The following MBD1 variants were observed in gnomAD, a reference collection of about 807,000 sequenced individuals.
MBD1 encodes methyl-CpG-binding domain protein 1.
MBD1 carries 25 observed loss-of-function variants against 82.6 expected under a neutral mutation model. The ratio of observed to expected loss-of-function variants is 0.30; its 90% CI spans 0.22 to 0.42. The LOEUF is 0.42. Among genes scored for constraint, MBD1 ranks in the 10% least tolerant of loss-of-function variants. The pLI, the probability that MBD1 is intolerant of heterozygous loss-of-function variation, is 1.00. For missense variants in MBD1, 627 were observed against 819.6 expected, an observed-to-expected ratio of 0.76 and a Z score of 2.87; for synonymous variants, 301 against 303.7, an observed-to-expected ratio of 0.99 and a Z score of 0.09.
chr18:50,279,032 A>T (rs936037949), intron 2 of MBD1, among the ~76,000 whole-genome samples: 1 of 152,240 alleles, frequency 6.6e-6, no homozygotes, highest in Non-Finnish European at 1.5e-5. Flanking sequence ...AGGTATTTTT[A>T]AAATTCTTCG....
chr18:50,275,284 A>T (rs2147411302), intron 8 of MBD1, 39 bp from the exon 9 acceptor site: 1 of 1,611,608 alleles, frequency 6.2e-7, no homozygotes, highest in African/African-American at 1.3e-5. Context: ...GCTTGGTGGC[A>T]CCAGGCAGAC....
intron 8 of MBD1, 152 bp downstream of exon 8, chr18:50,275,448 G>A: frequency 6.2e-7 from 1 of 1,600,178 alleles, no homozygotes. Flanking sequence ...CAAGGTGCTG[G>A]CAGACAGAGG....
intron 2 of MBD1, among the ~76,000 whole-genome samples, chr18:50,277,855 T>TAA (rs200911568): frequency 6.6e-6 from 1 of 151,614 alleles, no homozygotes; most frequent in Admixed American, 6.6e-5. Flanking sequence ...TTAATATTAT[T>TAA]TAAAAAAAAC....
chr18:50,270,040 G>C (rs374142220), intron 16 of MBD1: 98 of 1,597,674 alleles, frequency 6.1e-5, no homozygotes, highest in Non-Finnish European at 8.0e-5. Flanking sequence ...ATTTCATATA[G>C]ATCATTGTCA....
rs375926982 is a variant in MBD1, at chr18:50,272,658, C to G, written c.1778+19G>C. ...GCCAACACCCACTCCTTCCCCACCC[C>G]TCACTGTGTGGGGCACACCTTGGCA... On this transcript the variant is annotated intron_variant, in intron 15 of 16. Transcript: ENST00000269468. The G allele has an allele frequency of 6.2e-7, 1 of 1,613,756 alleles. No individual in the cohort carries two copies. The highest frequency in any genetic ancestry group is 1.1e-5 in the South Asian group (1 of 91,076).
rs2035474139 is a variant in MBD1, at chr18:50,271,428, G to C, written c.*32+41C>G. 6 of 1,613,788 alleles carry C rather than the reference G, an allele frequency of 3.7e-6. No individual in the cohort carries two copies. In the South Asian group the frequency reaches 5.5e-5, roughly 15 times the overall value. On this transcript the variant is annotated intron_variant, in intron 16 of 16. Transcript: ENST00000269468. ...CCAATCTAGGGTCCAGCCCCTAGTAGATCAGTGTTGTCTCTCATAAAGCCA... is the reference window on the plus strand; with the variant it reads ...CCAATCTAGGGTCCAGCCCCTAGTACATCAGTGTTGTCTCTCATAAAGCCA...
intron 16 of MBD1, chr18:50,270,518 A>G: frequency 2.9e-6 from 1 of 348,068 alleles, no homozygotes; most frequent in Non-Finnish European, 5.7e-6. Context: ...GCACGTTGTC[A>G]GGAAAGATGA....
In MBD1 at chr18:50,274,348, G is replaced by A; in HGVS notation, c.984C>T (p.Pro328=). 6.2e-7 allele frequency: 1 copy of A among 1,612,240 alleles called. No homozygotes were observed. The highest frequency in any genetic ancestry group is 8.5e-7 in the Non-Finnish European group (1 of 1,179,496). Residue 328 remains proline, a synonymous_variant, in exon 11 of 17, where the codon CCC becomes CCT. Transcript: ENST00000269468. ...TGCGGTTCTGCCGGCGGTTCGTGTAGGGCTGCTGGGGTGGGGGGAATGGGT... is the reference window on the plus strand; with the variant it reads ...TGCGGTTCTGCCGGCGGTTCGTGTAAGGCTGCTGGGGTGGGGGGAATGGGT... ...YYCVDEDELQ[P]YTNRRQNRKC... is the part of the protein sequence containing the mutation.
rs2037248390 is a variant in MBD1, at chr18:50,275,122, G to T, written c.909+7C>A. On this transcript the variant is annotated splice_region_variant and intron_variant, in intron 9 of 16. Coordinates refer to ENST00000269468, the MANE Select transcript of MBD1 (RefSeq NM_015846.4). ...TTGTGCCTTCCCTCCACCCACTGGG[G>T]CCTCACCGGCTCTGTGGGCTCTGGG... is the stretch of plus-strand genomic sequence containing the variant. 1 of 1,613,484 alleles carries T rather than the reference G, an allele frequency of 6.2e-7. No homozygotes were observed. Among genetic ancestry groups the T allele is most frequent in the African/African-American group, 1.3e-5 (1 of 74,926 alleles).
chr18:50,281,525 GA>G, upstream of MBD1: 1 of 576,588 alleles, frequency 1.7e-6, no homozygotes, highest in Non-Finnish European at 3.1e-6. Flanking sequence ...GTTGCTCCCG[GA>G]ACCGGAAGTC....
rs910911168 is a variant in MBD1, at chr18:50,269,383, G to A, written c.*468C>T. 1.6e-6 allele frequency: 2 copies of A among 1,217,602 alleles called. No individual in the cohort carries two copies. The highest frequency in any genetic ancestry group is 2.2e-6 in the Non-Finnish European group (2 of 911,956). The allele number at this position is 1,217,602 out of a possible 1,614,324, so 75.4% of individuals were successfully genotyped here. On this transcript the variant is annotated 3_prime_UTR_variant, in exon 17 of 17. Transcript: ENST00000269468. ...GTTTCCCGGAACTCTCTTCCAGTAAGATGGGCCACAAGAGACATTTTGCTT... is the reference window on the plus strand; with the variant it reads ...GTTTCCCGGAACTCTCTTCCAGTAAAATGGGCCACAAGAGACATTTTGCTT...
chr18:50,273,631 C>T lies in MBD1; in HGVS notation c.1379G>A (p.Arg460Gln), dbSNP rs756399728. ...PPPGTDLVFLREGASSPVQVP... is the reference protein window; with the variant it reads ...PPPGTDLVFLQEGASSPVQVP... The stretch of plus-strand genomic sequence containing the variant: ...CTGCACAGGACTGCTTGCGCCTTCC[C>T]GTAAAAACACAAGGTCAGTGCCAGG... The change falls in exon 12 of 17, where the codon CGG becomes CAG. Residue 460 changes from arginine to glutamine, a missense_variant. Around this residue, in one of 6 missense-constraint regions of MBD1, gnomAD observed 265 missense variants for 278.4 expected, o/e 0.95. Transcript: ENST00000269468. The T allele has an allele frequency of 2.5e-6, 4 of 1,613,708 alleles. No homozygotes were observed. The highest frequency in any genetic ancestry group is 1.1e-5 in the South Asian group (1 of 91,090).
chr18:50,276,020 C>A, intron 6 of MBD1, 39 bp from the exon 7 acceptor site: 1 of 1,598,398 alleles, frequency 6.3e-7, no homozygotes. Context: ...GGGCCTGCTC[C>A]AGAAGCACTG....
At position 50,271,373 on chromosome 18, in the gene MBD1, T is replaced by C. The variant is rs944998571; in HGVS notation, c.*32+96A>G. The C allele has an allele frequency of 4.4e-6, 7 of 1,605,820 alleles. No homozygotes were observed. The African/African-American group carries it at 8.0e-5, about 18-fold the overall frequency. ...TGGTTTGGTAGTAGGTTTTTCCTCC[T>C]AGGGTTGATTCACACACAAGCCCTG... On this transcript the variant is annotated intron_variant, in intron 16 of 16. Coordinates refer to ENST00000269468, the MANE Select transcript of MBD1 (RefSeq NM_015846.4).
chr18:50,271,280 T>C (rs2035404048), intron 16 of MBD1, 189 bp downstream of exon 16: 1 of 1,458,908 alleles, frequency 6.9e-7, no homozygotes, highest in Admixed American at 2.7e-5. Flanking sequence ...GCACCAACTT[T>C]CTACTCTTTC....
rs1481335388 is a variant in MBD1, at chr18:50,276,273, T to G, written c.516+105A>C. On this transcript the variant is annotated intron_variant, in intron 6 of 16. Transcript: ENST00000269468. ...GACCTATGGAGAGCACCCTATAAAA[T>G]GACTCTTCATCCTGTGGACCCATCA... 16 of 1,207,452 alleles carry G rather than the reference T, an allele frequency of 1.3e-5. No homozygotes were observed. In the Admixed American group the frequency reaches 2.3e-4, roughly 17 times the overall value. 74.8% of individuals were successfully genotyped at this position (1,207,452 alleles called of 1,614,324 possible). A position where few individuals can be genotyped will look rare whatever the true frequency, so the allele number is the denominator to read the frequency against.
intron 2 of MBD1, among the ~76,000 whole-genome samples, chr18:50,278,926 G>C (rs558819440): frequency 6.6e-6 from 1 of 152,292 alleles, no homozygotes; most frequent in Admixed American, 6.5e-5. Flanking sequence ...TATGTGTTAT[G>C]TAAGGTTTTT....
In MBD1 at chr18:50,271,458, G is replaced by A. The variant is rs372451614; in HGVS notation, c.*32+11C>T. The A allele has an allele frequency of 1.3e-4, 204 of 1,613,900 alleles. No homozygotes were observed. Among genetic ancestry groups the A allele is most frequent in the Non-Finnish European group, 1.7e-4 (201 of 1,179,990 alleles). ...GTGTTGTCTCTCATAAAGCCAGTCT[G>A]CAAATATCACCTTGAATCCTACAGT... On this transcript the variant is annotated intron_variant, in intron 16 of 16. Transcript: ENST00000269468.
intron 1 of MBD1, chr18:50,281,076 T>G: frequency 7.5e-7 from 1 of 1,328,526 alleles, no homozygotes; most frequent in South Asian, 1.3e-5. Flanking sequence ...CATTTCTCTC[T>G]CAACTTCAGA....
Sources: allele counts gnomAD v4.1 joint callset (sites outside exome capture counted in the v4.1 genomes callset), GRCh38; gene constraint gnomAD v4.1.1; regional missense constraint gnomAD v4.1.1; transcripts MANE v1.5; gene names NCBI Gene and HGNC (gene_info 2026-07-23, HGNC 2026-07-21).